SEMA4D: variants seen among roughly 807,000 people sequenced by gnomAD.
The protein encoded by SEMA4D is semaphorin 4D.
In SEMA4D, 22 loss-of-function variants were observed where a neutral mutation model predicts 74.8. That is an observed-to-expected ratio of 0.29 (90% CI 0.21 to 0.42). The LOEUF (loss-of-function observed/expected upper bound fraction) is 0.42. Among genes scored for constraint, SEMA4D ranks in the 10% least tolerant of loss-of-function variants. The pLI, the probability that SEMA4D is intolerant of heterozygous loss-of-function variation, is 1.00. For synonymous variants in SEMA4D, 445 were observed against 463.7 expected, an observed-to-expected ratio of 0.96 and a Z score of 0.52; for missense variants, 937 against 1,118.4, an observed-to-expected ratio of 0.84 and a Z score of 2.31.
intron 1 of SEMA4D, among the ~76,000 whole-genome samples, chr9:89,475,985 G>A (rs1016609716): frequency 3.9e-5 from 6 of 152,192 alleles, no homozygotes; most frequent in Non-Finnish European, 8.8e-5. Flanking sequence ...GGCACCTAAG[G>A]TATTACTGAT....
intron 1 of SEMA4D, among the ~76,000 whole-genome samples, chr9:89,491,536 T>C (rs1825625193): frequency 6.6e-6 from 1 of 152,104 alleles, no homozygotes; most frequent in African/African-American, 2.4e-5. Context: ...CACCACTGCA[T>C]GCCAGCCTGG....
In SEMA4D at chr9:89,444,724, A is replaced by G. The variant is rs529507409; in HGVS notation, c.-244+11164T>C. On this transcript the variant is annotated intron_variant, in intron 2 of 15. Coordinates refer to ENST00000422704, the MANE Select transcript of SEMA4D (RefSeq NM_001371194.2). ...AACTCCTGCCAGAAAATCCTCAGAC[A>G]ACCCATGTAATCTTCTTAACAAACG... Among the ~76,000 whole-genome samples the G allele has an allele frequency of 4.6e-5, 7 of 152,256 alleles. No homozygotes were observed. The East Asian group carries it at 1.4e-3, about 29-fold the overall frequency.
chr9:89,414,268 T>C (rs1845203917), intron 2 of SEMA4D, among the ~76,000 whole-genome samples: 1 of 152,222 alleles, frequency 6.6e-6, no homozygotes. Context: ...TAGGCAGTCA[T>C]TACCTGGACC....
At chr9:89,429,003 G>A (rs551793176) in intron 2 of SEMA4D, among the ~76,000 whole-genome samples, 2 of 152,196 alleles carry the variant, frequency 1.3e-5, no homozygotes, top group Non-Finnish European at 1.5e-5. Flanking sequence ...GTCCCTGTGG[G>A]GGGGGTCTCC....
intron 7 of SEMA4D, 54 bp downstream of exon 7, chr9:89,393,508 A>G: frequency 7.1e-7 from 1 of 1,413,132 alleles, no homozygotes; most frequent in South Asian, 1.2e-5. Context: ...CTGTTTGGTA[A>G]TTAACATGCC....
intron 1 of SEMA4D, among the ~76,000 whole-genome samples, chr9:89,476,254 CA>C (rs146782595): frequency 0.022 from 3,399 of 152,326 alleles, 66 homozygotes; most frequent in South Asian, 0.075. Flanking sequence ...CAAGCTCACA[CA>C]CCTTACCTAG....
At chr9:89,430,964 G>A (rs143276135) in intron 2 of SEMA4D, among the ~76,000 whole-genome samples, 42 of 152,296 alleles carry the variant, frequency 2.8e-4, no homozygotes, top group African/African-American at 8.9e-4. Context: ...GCGACAGAGC[G>A]AGACTCCATC....
At chr9:89,369,032 G>A (rs1036601178) in intron 16 of SEMA4D, 1 of 152,264 alleles carries the variant, frequency 6.6e-6, no homozygotes, top group East Asian at 1.9e-4. Context: ...TGGTGAAGCT[G>A]CCTCATCTAA....
chr9:89,450,559 C>T (rs1416444128), intron 2 of SEMA4D: 13 of 1,040,342 alleles, frequency 1.2e-5, no homozygotes, highest in Admixed American at 1.7e-5. Flanking sequence ...ATGCAGATAA[C>T]CAGTGGTCCC....
At chr9:89,477,208 G>A (rs373501655) in intron 1 of SEMA4D, among the ~76,000 whole-genome samples, 1 of 152,028 alleles carries the variant, frequency 6.6e-6, no homozygotes, top group South Asian at 2.1e-4. Context: ...CACATGTGCA[G>A]GCAGGCACTC....
chr9:89,429,168 C>T (rs1335458769), intron 2 of SEMA4D, among the ~76,000 whole-genome samples: 2 of 152,230 alleles, frequency 1.3e-5, no homozygotes, highest in African/African-American at 4.8e-5. Context: ...GGCATGTAGC[C>T]TGGCTCTCCT....
At position 89,492,557 on chromosome 9, in the gene SEMA4D, G is replaced by A. The variant is rs577426086; in HGVS notation, c.-310+5362C>T. Reference sequence around the variant, plus strand: ...GGACACTTCAGTAGGACTCTCACCTGTACTATCTTGAGAGCCACACCATCC... The same window carrying A: ...GGACACTTCAGTAGGACTCTCACCTATACTATCTTGAGAGCCACACCATCC... On this transcript the variant is annotated intron_variant, in intron 1 of 15. Transcript: ENST00000422704. The surrounding 1 kb of genome is among the most constrained non-coding windows in gnomAD (Gnocchi z 4.3). Among the ~76,000 whole-genome samples the A allele has an allele frequency of 9.9e-5, 15 of 152,154 alleles. No individual in the cohort carries two copies. The highest frequency in any genetic ancestry group is 9.8e-4 in the Admixed American group (15 of 15,286).
At position 89,390,133 on chromosome 9, in the gene SEMA4D, A is replaced by G. The variant is rs140235556; in HGVS notation, c.775-1086T>C. ...TGCTGCAAACCCTCAGTGCTGGGTA[A>G]TAAGTCAAGGTCAAGGCAAGTCTGA... On this transcript the variant is annotated intron_variant, in intron 9 of 15. Coordinates refer to ENST00000422704, the MANE Select transcript of SEMA4D (RefSeq NM_001371194.2). Among the ~76,000 whole-genome samples, 252 of 152,314 alleles carry G rather than the reference A, an allele frequency of 1.7e-3. 1 individual carries two copies. Among genetic ancestry groups the G allele is most frequent in the Non-Finnish European group, 3.0e-3 (203 of 68,016 alleles).
intron 1 of SEMA4D, among the ~76,000 whole-genome samples, chr9:89,490,030 CTT>C (rs895924919): frequency 1.2e-4 from 18 of 144,808 alleles, no homozygotes; most frequent in East Asian, 2.0e-4. Flanking sequence ...CTCCACCCTC[CTT>C]TTTTTTTTTT....
chr9:89,466,483 T>G (rs1858740381), intron 1 of SEMA4D, among the ~76,000 whole-genome samples: 1 of 152,106 alleles, frequency 6.6e-6, no homozygotes, highest in African/African-American at 2.4e-5. Context: ...GGTGAACACA[T>G]GCTTGACTGC....
At position 89,399,867 on chromosome 9, in the gene SEMA4D, G is replaced by A. The variant is rs533088468; in HGVS notation, c.253-529C>T. Among the ~76,000 whole-genome samples the A allele has an allele frequency of 4.7e-4, 71 of 151,846 alleles. 1 individual carries two copies. Among genetic ancestry groups the A allele is most frequent in the South Asian group, 1.0e-3 (5 of 4,804 alleles). ...ACAAAAATTATCTGGGAGTGGTGGC[G>A]GGCGCCTGTAATCCCAGCTACTCGA... On this transcript the variant is annotated intron_variant, in intron 4 of 15. Coordinates refer to ENST00000422704, the MANE Select transcript of SEMA4D (RefSeq NM_001371194.2).
At chr9:89,432,605 C>T (rs1849517026) in intron 2 of SEMA4D, among the ~76,000 whole-genome samples, 1 of 152,058 alleles carries the variant, frequency 6.6e-6, no homozygotes, top group Admixed American at 6.6e-5. Flanking sequence ...GTGCTGCAGG[C>T]AAATGATACT....
Position 89,450,659 on chromosome 9 carries a change from G to GAAAAAAAAA in SEMA4D, c.-244+5228_-244+5229insTTTTTTTTT, listed in dbSNP as rs1564832883. On this transcript the variant is annotated intron_variant, in intron 2 of 15. Coordinates refer to ENST00000422704, the MANE Select transcript of SEMA4D (RefSeq NM_001371194.2). Reference sequence around the variant, plus strand: ...AGAGTTCTGCAAGTCGAAAAACCCAGGAAAAAAAAAAAAAAAAAAAAAAAA... The same window carrying GAAAAAAAAA: ...AGAGTTCTGCAAGTCGAAAAACCCAGAAAAAAAAAGAAAAAAAAAAAAAAAAAAAAAAAA... 4.5e-3 allele frequency: 1,908 copies of GAAAAAAAAA among 420,322 alleles called. 459 individuals carry two copies. The highest frequency in any genetic ancestry group is 9.2e-3 in the East Asian group (183 of 19,914). 26.0% of individuals were successfully genotyped at this position (420,322 alleles called of 1,614,324 possible).
chr9:89,459,449 A>G (rs996860145), intron 1 of SEMA4D, among the ~76,000 whole-genome samples: 1 of 152,218 alleles, frequency 6.6e-6, no homozygotes, highest in Non-Finnish European at 1.5e-5. Flanking sequence ...GGACGCAAAG[A>G]AACAACTGGA....
Sources: gnomAD v4.1 joint callset for allele counts (sites outside exome capture counted in the v4.1 genomes callset) on GRCh38, gnomAD v4.1.1 for gene constraint, Gnocchi (gnomAD v3.1) non-coding constraint, MANE v1.5 for transcripts, NCBI Gene and HGNC (gene_info 2026-07-23, HGNC 2026-07-21) for gene names.